WDR5: variants seen among roughly 807,000 people sequenced by gnomAD.
WDR5 encodes WD repeat domain 5.
For missense variants in WDR5, 187 were observed against 416.9 expected, an observed-to-expected ratio of 0.45 and a Z score of 4.80; for synonymous variants, 144 against 161.6, an observed-to-expected ratio of 0.89 and a Z score of 0.83.
Position 134,142,167 on chromosome 9 carries a change from G to A in WDR5, c.354+129G>A, listed in dbSNP as rs541989019. 1.2e-4 allele frequency: 92 copies of A among 763,304 alleles called. No individual in the cohort carries two copies. In the East Asian group the frequency reaches 2.6e-3, roughly 22 times the overall value. The allele number at this position is 763,304 out of a possible 1,614,324, so 47.3% of individuals were successfully genotyped here. Reference sequence around the variant, plus strand: ...TCTCCAGGGAAGACTGGCTGCAGGGGCATGGGGCGGGGGTGGGTGGGGGAG... The same window carrying A: ...TCTCCAGGGAAGACTGGCTGCAGGGACATGGGGCGGGGGTGGGTGGGGGAG... On this transcript the variant is annotated intron_variant, in intron 5 of 13. Coordinates refer to ENST00000358625, the MANE Select transcript of WDR5 (RefSeq NM_017588.3).
chr9:134,155,520 G>A, intron 11 of WDR5, 147 bp downstream of exon 11: 1 of 1,315,360 alleles, frequency 7.6e-7, no homozygotes, highest in South Asian at 1.4e-5. Flanking sequence ...TGAAAGACCT[G>A]GGTATTTGTA....
At chr9:134,140,252 G>A (rs1324601589) in intron 2 of WDR5, among the ~76,000 whole-genome samples, 2 of 152,142 alleles carry the variant, frequency 1.3e-5, no homozygotes, top group African/African-American at 2.4e-5. Flanking sequence ...CCCTGGCTGC[G>A]ATCCTGACGC....
chr9:134,151,098 G>A (rs116909273), intron 8 of WDR5, among the ~76,000 whole-genome samples: 3,338 of 152,308 alleles, frequency 0.022, 61 homozygotes, highest in Middle Eastern at 0.034. Flanking sequence ...ATGAATTTGA[G>A]ATCCATGGGG....
chr9:134,147,838 A>G (rs1431884240), intron 7 of WDR5, among the ~76,000 whole-genome samples: 1 of 151,766 alleles, frequency 6.6e-6, no homozygotes, highest in African/African-American at 2.4e-5. Context: ...TGGGCAAGAT[A>G]GGGAGACCCT....
rs1181847591 is a variant in WDR5, at chr9:134,139,902, G to A, written c.25G>A (p.Glu9Lys). ...CATGGCGACGGAGGAGAAGAAGCCC[G>A]AGACCGAGGCCGCCAGAGCACAGCC... is the stretch of plus-strand genomic sequence containing the variant. MATEEKKP[E>K]TEAARAQPTP... Residue 9 changes from glutamate to lysine, a missense_variant, in exon 2 of 14, where the codon GAG becomes AAG. Physicochemically the swap from Glu to Lys is moderately conservative, Grantham distance 56 (BLOSUM62 1). Coordinates refer to ENST00000358625, the MANE Select transcript of WDR5 (RefSeq NM_017588.3). The A allele has an allele frequency of 6.2e-7, 1 of 1,613,448 alleles. No individual in the cohort carries two copies. Among genetic ancestry groups the A allele is most frequent in the East Asian group, 2.2e-5 (1 of 44,882 alleles).
chr9:134,148,612 C>T (rs560592082), intron 8 of WDR5, among the ~76,000 whole-genome samples: 2 of 152,200 alleles, frequency 1.3e-5, no homozygotes, highest in African/African-American at 2.4e-5. Context: ...ACTTCAGCTC[C>T]GTGTAGACGC....
In WDR5 at chr9:134,157,447, A is replaced by G. The variant is rs1287708751; in HGVS notation, c.905-446A>G. Among the ~76,000 whole-genome samples, 1 of 151,332 alleles carries G rather than the reference A, an allele frequency of 6.6e-6. No homozygotes were observed. The highest frequency in any genetic ancestry group is 1.9e-4 in the East Asian group (1 of 5,152). ...TGCTCTGGGGCTTAGCATTGGGGGG[A>G]GGCGGTGGGAGTGGGCGGCTCAGGG... On this transcript the variant is annotated intron_variant, in intron 13 of 13. Coordinates refer to ENST00000358625, the MANE Select transcript of WDR5 (RefSeq NM_017588.3). The surrounding 1 kb of genome is among the most constrained non-coding windows in gnomAD (Gnocchi z 5.0).
chr9:134,149,513 C>A (rs1244888282), intron 8 of WDR5, among the ~76,000 whole-genome samples: 1 of 152,168 alleles, frequency 6.6e-6, no homozygotes, highest in Non-Finnish European at 1.5e-5. Flanking sequence ...ACAGGGTGAG[C>A]TATGGGCGAG....
chr9:134,153,429 G>A (rs1248364999), intron 9 of WDR5, among the ~76,000 whole-genome samples: 1 of 152,210 alleles, frequency 6.6e-6, no homozygotes, highest in Non-Finnish European at 1.5e-5. Context: ...TGGCTGATGC[G>A]TTCATCTCTG....
chr9:134,139,978 T>C lies in WDR5; in HGVS notation c.81+20T>C, dbSNP rs372737744. ...AGCAAGGTGCGTGCCCAGGGGCCCCTTGGACACCTTCCGGGGGCAAATACG... is the reference window on the plus strand; with the variant it reads ...AGCAAGGTGCGTGCCCAGGGGCCCCCTGGACACCTTCCGGGGGCAAATACG... On this transcript the variant is annotated intron_variant, in intron 2 of 13. Transcript: ENST00000358625. 2.6e-5 allele frequency: 42 copies of C among 1,613,268 alleles called. No homozygotes were observed. Among genetic ancestry groups the C allele is most frequent in the Non-Finnish European group, 3.3e-5 (39 of 1,179,822 alleles).
chr9:134,137,544 C>T (rs1407534102), intron 1 of WDR5, among the ~76,000 whole-genome samples: 2 of 151,672 alleles, frequency 1.3e-5, no homozygotes, highest in Non-Finnish European at 2.9e-5. Flanking sequence ...ATTGGCCGGG[C>T]GTAGTGGTAC....
At chr9:134,156,721 G>A (rs991127133) in intron 13 of WDR5, 128 bp downstream of exon 13, 19 of 857,922 alleles carry the variant, frequency 2.2e-5, no homozygotes, top group African/African-American at 1.2e-4. Flanking sequence ...CGCTGGCCCC[G>A]CTGAGGAACC....
rs1011494328 is a variant in WDR5 at position 134,153,428 on chromosome 9, C to G, written c.632-1038C>G. ...CTTCACTGAGACAGGTTGGCTGATG[C>G]GTTCATCTCTGTGAGGCTCTGCCCA... On this transcript the variant is annotated intron_variant, in intron 9 of 13. Coordinates refer to ENST00000358625, the MANE Select transcript of WDR5 (RefSeq NM_017588.3). Among the ~76,000 whole-genome samples, 6 of 152,336 alleles carry G rather than the reference C, an allele frequency of 3.9e-5. No homozygotes were observed. In the South Asian group the frequency reaches 8.3e-4, roughly 21 times the overall value.
intron 1 of WDR5, among the ~76,000 whole-genome samples, chr9:134,137,940 T>C (rs987090303): frequency 6.6e-6 from 1 of 152,132 alleles, no homozygotes; most frequent in Admixed American, 6.5e-5. Flanking sequence ...AGGGGGTTTC[T>C]CCATGCTGGT....
intron 1 of WDR5, among the ~76,000 whole-genome samples, chr9:134,139,080 C>G (rs946486065): frequency 6.6e-6 from 1 of 152,118 alleles, no homozygotes; most frequent in Non-Finnish European, 1.5e-5. Context: ...TTTTTTCGTT[C>G]CCCTGCAGTG....
intron 10 of WDR5, 24 bp from the exon 11 acceptor site, chr9:134,155,316 C>T: frequency 6.3e-7 from 1 of 1,585,006 alleles, no homozygotes; most frequent in African/African-American, 1.4e-5. Flanking sequence ...GACATGCCGC[C>T]TCACCCCTCT....
chr9:134,145,919 TTC>T (rs1451447859), intron 7 of WDR5, among the ~76,000 whole-genome samples: 1 of 150,108 alleles, frequency 6.7e-6, no homozygotes, highest in East Asian at 2.0e-4. Flanking sequence ...GCTGATTACC[TTC>T]TCTGTTTCTT....
At chr9:134,155,257 G>A in intron 10 of WDR5, 83 bp from the exon 11 acceptor site, 4 of 1,442,822 alleles carry the variant, frequency 2.8e-6, no homozygotes, top group Non-Finnish European at 2.8e-6. Context: ...GATGGTGGCT[G>A]TGACGTAGTG....
At chr9:134,141,865 A>T in intron 4 of WDR5, 84 bp from the exon 5 acceptor site, 1 of 1,339,344 alleles carries the variant, frequency 7.5e-7, no homozygotes, top group South Asian at 1.2e-5. Flanking sequence ...TCCTGAGGGC[A>T]ATGGGGATGT....
Sources: allele counts gnomAD v4.1 joint callset (sites outside exome capture counted in the v4.1 genomes callset), GRCh38; gene constraint gnomAD v4.1.1; non-coding constraint Gnocchi (gnomAD v3.1); transcripts MANE v1.5; gene names NCBI Gene and HGNC (gene_info 2026-07-23, HGNC 2026-07-21).